The following VCAM1 variants were observed in gnomAD, a reference collection of about 807,000 sequenced individuals.
The protein encoded by VCAM1 is vascular cell adhesion molecule 1, also known as vascular cell adhesion protein 1.
In VCAM1, 41 loss-of-function variants were observed where a neutral mutation model predicts 63.8. The ratio of observed to expected loss-of-function variants is 0.64; its 90% CI spans 0.50 to 0.83. VCAM1 has a LOEUF of 0.83. VCAM1 is among the 40% of genes least tolerant of loss of function. The pLI, the probability that VCAM1 is intolerant of heterozygous loss-of-function variation, is 0.00. For synonymous variants in VCAM1, 338 were observed against 320.7 expected (o/e 1.05, Z -0.58); for missense variants, 798 against 875.5 (o/e 0.91, Z 1.12).
intron 4 of VCAM1, among the ~76,000 whole-genome samples, chr1:100,726,311 T>G (rs1660158956): frequency 6.6e-6 from 1 of 152,118 alleles, no homozygotes; most frequent in Admixed American, 6.6e-5. Context: ...CTGCTAAGAT[T>G]CTGTCCCTAA....
intron 4 of VCAM1, among the ~76,000 whole-genome samples, chr1:100,726,987 C>T (rs1660181629): frequency 6.6e-6 from 1 of 151,452 alleles, no homozygotes; most frequent in South Asian, 2.1e-4. Context: ...TATAGTGAGA[C>T]CTCCTGTTTC....
At chr1:100,737,783 T>A (rs1201625165) in intron 8 of VCAM1, 1 of 170,022 alleles carries the variant, frequency 5.9e-6, no homozygotes, top group African/African-American at 2.4e-5. Flanking sequence ...AGCAAGTGCC[T>A]CTCTCCAATT....
At chr1:100,729,907 G>A (rs1557905034) in intron 5 of VCAM1, among the ~76,000 whole-genome samples, 1 of 152,090 alleles carries the variant, frequency 6.6e-6, no homozygotes. Flanking sequence ...AGCAGAATCA[G>A]GAAGCAGCGC....
At chr1:100,727,418 T>A in intron 4 of VCAM1, among the ~76,000 whole-genome samples, 1 of 152,086 alleles carries the variant, frequency 6.6e-6, no homozygotes, top group African/African-American at 2.4e-5. Flanking sequence ...GTTAGCATTC[T>A]CAAGTGACCA....
intron 3 of VCAM1, among the ~76,000 whole-genome samples, chr1:100,723,761 ATG>A (rs904063369): frequency 4.0e-5 from 6 of 151,764 alleles, no homozygotes; most frequent in African/African-American, 1.2e-4. Flanking sequence ...CTGTGTGTGT[ATG>A]TGTGTGTGTG....
chr1:100,725,058 A>C (rs1660114036), intron 4 of VCAM1, among the ~76,000 whole-genome samples, 168 bp downstream of exon 4: 1 of 151,888 alleles, frequency 6.6e-6, no homozygotes, highest in Non-Finnish European at 1.5e-5. Context: ...ACTCTGTGGA[A>C]GTCTTCCCTC....
chr1:100,737,574 TA>T (rs755273501), intron 8 of VCAM1: 1 of 152,132 alleles, frequency 6.6e-6, no homozygotes, highest in Non-Finnish European at 1.5e-5. Context: ...ATTTCTGACA[TA>T]AAAAACATAG....
In VCAM1 at chr1:100,731,926, C is replaced by T. The variant is rs778617596; in HGVS notation, c.1525+408C>T. 5.3e-5 allele frequency among the ~76,000 whole-genome samples: 8 copies of T among 152,152 alleles called. No individual in the cohort carries two copies. The highest frequency in any genetic ancestry group is 7.4e-5 in the Non-Finnish European group (5 of 68,022). On this transcript the variant is annotated intron_variant, in intron 6 of 8. Transcript: ENST00000294728. The surrounding 1 kb of genome is among the most constrained non-coding windows in gnomAD (Gnocchi z 4.2). The stretch of plus-strand genomic sequence containing the variant: ...TGAGGAACAGTAGCCTAGATTTACT[C>T]TCCAGAGCTCAGTGTTTCAAGAAGG...
chr1:100,724,559 T>C lies in VCAM1; in HGVS notation c.662-65T>C. 2.6e-6 allele frequency: 4 copies of C among 1,541,420 alleles called. 1 individual carries two copies. In the South Asian group the frequency reaches 3.7e-5, roughly 14 times the overall value. ...GGAAGCACATAAATACTAAGAGAAATACATTACCTCTGTTGCACTGGGATG... is the reference window on the plus strand; with the variant it reads ...GGAAGCACATAAATACTAAGAGAAACACATTACCTCTGTTGCACTGGGATG... On this transcript the variant is annotated intron_variant, in intron 3 of 8. Transcript: ENST00000294728.
At chr1:100,727,408 G>T (rs1246750537) in intron 4 of VCAM1, among the ~76,000 whole-genome samples, 1 of 151,936 alleles carries the variant, frequency 6.6e-6, no homozygotes, top group Non-Finnish European at 1.5e-5. Context: ...TGGATGTTAG[G>T]TTAGCATTCT....
At chr1:100,730,780 G>A (rs1215295746) in intron 5 of VCAM1, among the ~76,000 whole-genome samples, 2 of 152,088 alleles carry the variant, frequency 1.3e-5, no homozygotes, top group East Asian at 3.9e-4. Flanking sequence ...TTACACAGCT[G>A]CTTTGAAGAC....
chr1:100,729,002 TTA>T (rs1660286894), intron 4 of VCAM1, 103 bp from the exon 5 acceptor site: 2 of 1,297,412 alleles, frequency 1.5e-6, no homozygotes, highest in Admixed American at 5.4e-5. Context: ...GGCATGGATA[TTA>T]GCTGAAAGGA....
chr1:100,735,507 C>A (rs1660617393), intron 8 of VCAM1: 1 of 152,240 alleles, frequency 6.6e-6, no homozygotes, highest in Non-Finnish European at 1.5e-5. Context: ...TAATGGAGGC[C>A]ATACTTGGCG....
rs1364867653 is a variant in VCAM1 at position 100,729,228 on chromosome 1, G to A, written c.1050G>A (p.Gln350=). 6.2e-7 allele frequency: 1 copy of A among 1,613,580 alleles called. No individual in the cohort carries two copies. The highest frequency in any genetic ancestry group is 8.5e-7 in the Non-Finnish European group (1 of 1,179,710). ...CCCCATCTTTCTCCTGGAGAACCCA[G>A]ATAGACAGCCCTCTGAGCGGGAAGG... ...CESPSFSWRT[Q]IDSPLSGKVR... Residue 350 remains glutamine (Q), a synonymous_variant, in exon 5 of 9, where the codon CAG becomes CAA. Transcript: ENST00000294728.
At chr1:100,726,700 C>T (rs1660172855) in intron 4 of VCAM1, among the ~76,000 whole-genome samples, 1 of 151,964 alleles carries the variant, frequency 6.6e-6, no homozygotes, top group Admixed American at 6.6e-5. Context: ...TCCAAGAATC[C>T]AAGAATTGTA....
Position 100,719,742 on chromosome 1 carries a change from G to C in VCAM1, c.-119G>C. On this transcript the variant is annotated 5_prime_UTR_variant, in exon 1 of 9. Coordinates refer to ENST00000294728, the MANE Select transcript of VCAM1 (RefSeq NM_001078.4). ...AAGCACAGACTTTCTATTTCACTCCGCGGTATCTGCATCGGGCCTCACTGG... is the reference window on the plus strand; with the variant it reads ...AAGCACAGACTTTCTATTTCACTCCCCGGTATCTGCATCGGGCCTCACTGG... 1 of 905,688 alleles carries C rather than the reference G, an allele frequency of 1.1e-6. No homozygotes were observed. 56.1% of individuals were successfully genotyped at this position (905,688 alleles called of 1,614,324 possible).
Position 100,732,476 on chromosome 1 carries a change from T to C in VCAM1, c.1584T>C (p.Ser528=). 1.2e-6 allele frequency: 2 copies of C among 1,611,998 alleles called. No individual in the cohort carries two copies. The highest frequency in any genetic ancestry group is 1.3e-5 in the African/African-American group (1 of 74,938). The change falls in exon 7 of 9, where the codon AGT becomes AGC. Residue 528 remains serine, a synonymous_variant. Coordinates refer to ENST00000294728, the MANE Select transcript of VCAM1 (RefSeq NM_001078.4). The stretch of plus-strand genomic sequence containing the variant: ...CTTCCTCCATCCTGGAGGAAGGCAG[T>C]TCTGTGAATATGACATGCTTGAGCC... ...VSPSSILEEG[S]SVNMTCLSQG... is the part of the protein sequence containing the mutation.
At chr1:100,733,184 A>G (rs1329285188) in intron 7 of VCAM1, among the ~76,000 whole-genome samples, 1 of 152,226 alleles carries the variant, frequency 6.6e-6, no homozygotes, top group African/African-American at 2.4e-5. Flanking sequence ...AGAGCATGGA[A>G]GCACTAAAGT....
At chr1:100,720,857 T>A (rs1260720789) in intron 2 of VCAM1, 106 bp downstream of exon 2, 5 of 1,321,040 alleles carry the variant, frequency 3.8e-6, no homozygotes, top group Non-Finnish European at 5.1e-6. Context: ...CATGTACAGA[T>A]TCTTGGCTAA....
Sources: allele counts gnomAD v4.1 joint callset (sites outside exome capture counted in the v4.1 genomes callset), GRCh38; gene constraint gnomAD v4.1.1; non-coding constraint Gnocchi (gnomAD v3.1); transcripts MANE v1.5; gene names NCBI Gene and HGNC (gene_info 2026-07-23, HGNC 2026-07-21).